Variants in NXPE2 observed in about 807,000 individuals in gnomAD.
The protein encoded by NXPE2 is neurexophilin and PC-esterase domain family member 2, also known as NXPE family member 2.
A neutral mutation model predicts 34.4 loss-of-function variants in NXPE2; 34 were observed. The observed-to-expected ratio is 0.99, with a 90% confidence interval of 0.75 to 1.31. The LOEUF is 1.31. NXPE2 is among the 40% of genes most tolerant of loss of function. The pLI is 0.00. For synonymous variants in NXPE2, 235 were observed against 231.3 expected, an observed-to-expected ratio of 1.02 and a Z score of -0.15; for missense variants, 649 against 672.5, an observed-to-expected ratio of 0.97 and a Z score of 0.39.
At chr11:114,615,808 G>A in the NXPE2 span, among the ~76,000 whole-genome samples, 2 of 151,578 alleles carry the variant, frequency 1.3e-5, no homozygotes, top group African/African-American at 4.9e-5. Context: ...AATAAGTATT[G>A]CATCCTGGGT....
At chr11:114,653,694 A>AT in the NXPE2 span, among the ~76,000 whole-genome samples, 94 of 151,732 alleles carry the variant, frequency 6.2e-4, no homozygotes, top group Admixed American at 1.2e-3. Flanking sequence ...TGCCTGGCTA[A>AT]TTTTTTTGTA....
chr11:114,524,446 G>A, the NXPE2 span, among the ~76,000 whole-genome samples: 587 of 152,352 alleles, frequency 3.9e-3, 5 homozygotes, highest in African/African-American at 0.013. Context: ...TATGGACAAA[G>A]TGGTAAAATG....
At chr11:114,549,203 A>C in the NXPE2 span, among the ~76,000 whole-genome samples, 1 of 152,032 alleles carries the variant, frequency 6.6e-6, no homozygotes, top group African/African-American at 2.4e-5. Context: ...AGTCAATCCC[A>C]ATATTACTTA....
At chr11:114,577,013 A>ATATATATATATACATATATATATAAAGT in the NXPE2 span, among the ~76,000 whole-genome samples, 2 of 7,218 alleles carry the variant, frequency 2.8e-4, no homozygotes, top group Non-Finnish European at 6.9e-4. Flanking sequence ...ATAAAGTTAT[A>ATATATATATATACATATATATATAAAGT]TATATATATA....
At chr11:114,669,268 C>T in the NXPE2 span, among the ~76,000 whole-genome samples, 5 of 152,150 alleles carry the variant, frequency 3.3e-5, no homozygotes, top group Admixed American at 3.3e-4. Context: ...TGAAGAAAAT[C>T]TTCTATATCT....
At chr11:114,720,733 AATTT>A in the NXPE2 span, among the ~76,000 whole-genome samples, 2 of 152,328 alleles carry the variant, frequency 1.3e-5, no homozygotes, top group African/African-American at 4.8e-5. Flanking sequence ...TATCAAAATT[AATTT>A]ATTTCCTTAT....
the NXPE2 span, among the ~76,000 whole-genome samples, chr11:114,722,605 C>A: frequency 2.0e-5 from 3 of 152,204 alleles, no homozygotes; most frequent in African/African-American, 7.2e-5. Context: ...CAAGCCAAGA[C>A]CCTAAGATAT....
At chr11:114,625,273 G>A in the NXPE2 span, among the ~76,000 whole-genome samples, 2 of 151,954 alleles carry the variant, frequency 1.3e-5, no homozygotes, top group Non-Finnish European at 2.9e-5. Flanking sequence ...TGGGTAATAC[G>A]AGTTGCCTCA....
At chr11:114,747,482 C>A in the NXPE2 span, among the ~76,000 whole-genome samples, 1 of 151,840 alleles carries the variant, frequency 6.6e-6, no homozygotes, top group Non-Finnish European at 1.5e-5. Flanking sequence ...AAAGAATGAT[C>A]TGAGGGTATG....
intron 2 of NXPE2, among the ~76,000 whole-genome samples, chr11:114,696,139 C>T (rs969042050): frequency 2.0e-5 from 3 of 151,826 alleles, no homozygotes; most frequent in African/African-American, 7.3e-5. Flanking sequence ...GAGTTTAAGA[C>T]CAGCCTGGGC....
At chr11:114,780,343 T>C in the NXPE2 span, among the ~76,000 whole-genome samples, 5 of 152,124 alleles carry the variant, frequency 3.3e-5, no homozygotes, top group Non-Finnish European at 7.4e-5. Flanking sequence ...GCTGCCTGTG[T>C]GGCCTGCAAA....
At chr11:114,794,704 T>C in the NXPE2 span, among the ~76,000 whole-genome samples, 1 of 152,188 alleles carries the variant, frequency 6.6e-6, no homozygotes, top group African/African-American at 2.4e-5. Context: ...CCTCCAAATG[T>C]TCCTATCATA....
chr11:114,713,863 G>A, the NXPE2 span, among the ~76,000 whole-genome samples: 10 of 152,266 alleles, frequency 6.6e-5, no homozygotes, highest in East Asian at 3.9e-4. Flanking sequence ...ACCATGGATC[G>A]CAAAATAATT....
chr11:114,656,440 G>A, the NXPE2 span, among the ~76,000 whole-genome samples: 3,885 of 152,034 alleles, frequency 0.026, 163 homozygotes, highest in African/African-American at 0.088. Context: ...TTTGAATTTC[G>A]TATGGAATCA....
At chr11:114,562,260 G>C in the NXPE2 span, among the ~76,000 whole-genome samples, 4 of 152,202 alleles carry the variant, frequency 2.6e-5, no homozygotes, top group Admixed American at 2.6e-4. Flanking sequence ...TCTTCTGGGA[G>C]AGTGGTTAGA....
the NXPE2 span, among the ~76,000 whole-genome samples, chr11:114,717,568 A>G: frequency 6.6e-6 from 1 of 152,340 alleles, no homozygotes; most frequent in Admixed American, 6.5e-5. Context: ...GAACTGCATA[A>G]TCTTCGATAA....
chr11:114,630,102 T>A, the NXPE2 span, among the ~76,000 whole-genome samples: 1 of 151,692 alleles, frequency 6.6e-6, no homozygotes, highest in African/African-American at 2.4e-5. Flanking sequence ...CTGCCCAAGG[T>A]AATTTACAGA....
chr11:114,576,676 C>A, the NXPE2 span, among the ~76,000 whole-genome samples: 4 of 151,010 alleles, frequency 2.6e-5, no homozygotes, highest in East Asian at 2.0e-4. Context: ...AGGCCATATT[C>A]AAAAAAAATC....
chr11:114,593,936 T>C, the NXPE2 span, among the ~76,000 whole-genome samples: 1 of 152,134 alleles, frequency 6.6e-6, no homozygotes, highest in Non-Finnish European at 1.5e-5. Context: ...AGACAAACTT[T>C]GCATGTTCGT....
Sources: allele counts gnomAD v4.1 joint callset (sites outside exome capture counted in the v4.1 genomes callset), GRCh38; gene constraint gnomAD v4.1.1; transcripts MANE v1.5; gene names NCBI Gene and HGNC (gene_info 2026-07-23, HGNC 2026-07-21).